Variants in ROBO2 observed in about 807,000 individuals in gnomAD.
ROBO2 encodes roundabout homolog 2.
A neutral mutation model predicts 160.8 loss-of-function variants in ROBO2; 53 were observed. The ratio of observed to expected loss-of-function variants is 0.33; its 90% CI spans 0.26 to 0.41. The LOEUF (loss-of-function observed/expected upper bound fraction) is 0.41, where lower values mean the gene tolerates loss of function less well. ROBO2 is among the 10% of genes least tolerant of loss of function. ROBO2 has a pLI of 1.00. For synonymous variants in ROBO2, 664 were observed against 611.7 expected, an observed-to-expected ratio of 1.09 and a Z score of -1.26; for missense variants, 1,577 against 1,722.4, an observed-to-expected ratio of 0.92 and a Z score of 1.49.
At chr3:76,821,365 A>G (rs956264014) in intron 2 of ROBO2, among the ~76,000 whole-genome samples, 1 of 152,024 alleles carries the variant, frequency 6.6e-6, no homozygotes, top group African/African-American at 2.4e-5. Flanking sequence ...TAAGAATTCA[A>G]TTAGCATTTC....
intron 2 of ROBO2, among the ~76,000 whole-genome samples, chr3:76,952,933 T>C (rs2079042868): frequency 6.6e-6 from 1 of 152,216 alleles, no homozygotes. Flanking sequence ...GGCATTTTTA[T>C]GTAATCAAAC....
intron 2 of ROBO2, among the ~76,000 whole-genome samples, chr3:76,029,077 ATAT>A (rs1203553417): frequency 2.0e-5 from 3 of 152,062 alleles, no homozygotes; most frequent in Non-Finnish European, 4.4e-5. Flanking sequence ...AAAAAAGAAC[ATAT>A]TATTCTTATG....
chr3:76,237,471 G>T (rs1236318016), intron 2 of ROBO2, among the ~76,000 whole-genome samples: 2 of 152,132 alleles, frequency 1.3e-5, no homozygotes, highest in Non-Finnish European at 2.9e-5. Context: ...TAATATAAAT[G>T]TTGGACTCAG....
intron 2 of ROBO2, among the ~76,000 whole-genome samples, chr3:76,711,005 A>C (rs1326886566): frequency 6.6e-6 from 1 of 152,216 alleles, no homozygotes; most frequent in Admixed American, 6.5e-5. Context: ...GGAATTGTAG[A>C]TTTTGATTTT....
At chr3:77,569,823 T>A (rs1296000986) in intron 13 of ROBO2, among the ~76,000 whole-genome samples, 2 of 151,936 alleles carry the variant, frequency 1.3e-5, no homozygotes, top group Non-Finnish European at 2.9e-5. Flanking sequence ...GAGTACAAAA[T>A]TGGGTTGTAT....
intron 2 of ROBO2, among the ~76,000 whole-genome samples, chr3:76,617,855 G>A (rs973527707): frequency 4.6e-5 from 7 of 151,640 alleles, no homozygotes. Flanking sequence ...TGAGGCAGGA[G>A]AGAGAATGAG....
At chr3:76,743,680 T>C (rs1560482803) in intron 2 of ROBO2, among the ~76,000 whole-genome samples, 1 of 152,116 alleles carries the variant, frequency 6.6e-6, no homozygotes, top group Non-Finnish European at 1.5e-5. Context: ...TAAATATTAC[T>C]TTCATTTCTA....
At chr3:76,828,909 C>G (rs1393460769) in intron 2 of ROBO2, among the ~76,000 whole-genome samples, 1 of 151,998 alleles carries the variant, frequency 6.6e-6, no homozygotes, top group African/African-American at 2.4e-5. Context: ...TGAGAGCTAT[C>G]TTTTCCTCTG....
chr3:76,168,369 GTC>G (rs2072914822), intron 2 of ROBO2, among the ~76,000 whole-genome samples: 6 of 151,884 alleles, frequency 4.0e-5, no homozygotes. Context: ...CTATATTTTC[GTC>G]TGTTTATTTT....
chr3:76,260,314 G>A (rs1172575061), intron 2 of ROBO2, among the ~76,000 whole-genome samples: 1 of 152,132 alleles, frequency 6.6e-6, no homozygotes, highest in Non-Finnish European at 1.5e-5. Flanking sequence ...GTTTAGTATG[G>A]GAGGTAATGA....
At chr3:77,633,458 T>C (rs1453141841) in intron 23 of ROBO2, 1 of 152,216 alleles carries the variant, frequency 6.6e-6, no homozygotes, top group Non-Finnish European at 1.5e-5. Context: ...CATTTGTATG[T>C]ATAATTCTTA....
intron 2 of ROBO2, among the ~76,000 whole-genome samples, chr3:76,543,636 A>G (rs1348488853): frequency 6.6e-6 from 1 of 152,082 alleles, no homozygotes; most frequent in Admixed American, 6.6e-5. Flanking sequence ...ATCTGTGACC[A>G]CGGTTTTGAT....
chr3:77,368,421 G>A (rs1581397786), intron 2 of ROBO2, among the ~76,000 whole-genome samples: 1 of 152,060 alleles, frequency 6.6e-6, no homozygotes, highest in African/African-American at 2.4e-5. Context: ...TGGGAATCAT[G>A]TCTGTGACAT....
intron 2 of ROBO2, among the ~76,000 whole-genome samples, chr3:76,678,140 T>A (rs1000449376): frequency 6.6e-6 from 1 of 151,718 alleles, no homozygotes; most frequent in Non-Finnish European, 1.5e-5. Flanking sequence ...CCGGCTAATT[T>A]TTGTACTTTT....
chr3:76,736,575 TAGAC>T (rs2093716895), intron 2 of ROBO2, among the ~76,000 whole-genome samples: 4 of 152,212 alleles, frequency 2.6e-5, no homozygotes, highest in Admixed American at 2.6e-4. Flanking sequence ...AGGATAAAAA[TAGAC>T]AGACTTTTAG....
chr3:77,057,087 A>T (rs1007342925), intron 1 of ROBO2, among the ~76,000 whole-genome samples: 5 of 152,214 alleles, frequency 3.3e-5, no homozygotes, highest in Non-Finnish European at 5.9e-5. Context: ...GATAGACTGG[A>T]TTAAGAAAAT....
chr3:76,119,945 C>T (rs891631967), intron 2 of ROBO2, among the ~76,000 whole-genome samples: 14 of 136,950 alleles, frequency 1.0e-4, no homozygotes, highest in African/African-American at 3.8e-4. Context: ...TTCCTTCCTT[C>T]CTTCCTTCCT....
chr3:76,410,094 T>G (rs959318034), intron 2 of ROBO2, among the ~76,000 whole-genome samples: 3 of 152,104 alleles, frequency 2.0e-5, no homozygotes, highest in Admixed American at 1.3e-4. Context: ...TCTCAGTGTA[T>G]TTTTTTCTTG....
intron 5 of ROBO2, among the ~76,000 whole-genome samples, chr3:77,505,728 C>T (rs1179281773): frequency 6.6e-6 from 1 of 151,982 alleles, no homozygotes; most frequent in Non-Finnish European, 1.5e-5. Flanking sequence ...AGAAATAACT[C>T]ATTTAATCTT....
Sources: allele counts gnomAD v4.1 joint callset (sites outside exome capture counted in the v4.1 genomes callset), GRCh38; gene constraint gnomAD v4.1.1; transcripts MANE v1.5; gene names NCBI Gene and HGNC (gene_info 2026-07-23, HGNC 2026-07-21).